The following ARHGAP23 variants were observed in gnomAD, a reference collection of about 807,000 sequenced individuals.
The protein encoded by ARHGAP23 is Rho GTPase activating protein 23.
ARHGAP23 carries 34 observed loss-of-function variants against 136.3 expected under a neutral mutation model. The observed-to-expected ratio is 0.25, with a 90% CI of 0.19 to 0.33. The LOEUF is 0.33. ARHGAP23 is among the 10% of genes least tolerant of loss of function. The pLI, the probability that ARHGAP23 is intolerant of heterozygous loss-of-function variation, is 1.00. For missense variants in ARHGAP23, 1,808 were observed against 2,139.0 expected (o/e 0.85, Z 3.05); for synonymous variants, 832 against 920.5 (o/e 0.90, Z 1.74).
At chr17:38,441,377 C>T (rs1038430515) in intron 1 of ARHGAP23, among the ~76,000 whole-genome samples, 2 of 152,182 alleles carry the variant, frequency 1.3e-5, no homozygotes, top group South Asian at 4.1e-4. Context: ...CCAAGGCAGC[C>T]ACCCCTCTGT....
chr17:38,479,860 A>G lies in ARHGAP23; in HGVS notation c.2606A>G (p.Gln869Arg). ...KQSAARGLRT[Q>R]DLPAGSKDDS... ...AGTGCGGCACGTGGCCTCAGGACTC[A>G]GGACCTGCCCGCAGGGAGCAAGGGT... The change falls in exon 14 of 24, where the codon CAG becomes CGG. Residue 869 changes from glutamine (Q) to arginine (R), a missense_variant. Physicochemically the swap from Gln to Arg is conservative, Grantham distance 43. Coordinates refer to ENST00000622683, the MANE Select transcript of ARHGAP23 (RefSeq NM_001199417.2). 1 of 1,482,866 alleles carries G rather than the reference A, an allele frequency of 6.7e-7. No individual in the cohort carries two copies. Among genetic ancestry groups the G allele is most frequent in the Non-Finnish European group, 9.0e-7 (1 of 1,105,282 alleles). The allele number at this position is 1,482,866 out of a possible 1,614,324, so 91.9% of individuals were successfully genotyped here. A position where few individuals can be genotyped will look rare whatever the true frequency, so the allele number is the denominator to read the frequency against.
At position 38,478,105 on chromosome 17, in the gene ARHGAP23, G is replaced by A. The variant is rs563904837; in HGVS notation, c.2436+209G>A. ...CGGGGGACCTGGCGTCCTCAGGTGCGGGGACCGGCAGTCACCATCCTGACC... is the reference window on the plus strand; with the variant it reads ...CGGGGGACCTGGCGTCCTCAGGTGCAGGGACCGGCAGTCACCATCCTGACC... On this transcript the variant is annotated intron_variant, in intron 12 of 23. Coordinates refer to ENST00000622683, the MANE Select transcript of ARHGAP23 (RefSeq NM_001199417.2). Among the ~76,000 whole-genome samples the A allele has an allele frequency of 3.3e-5, 5 of 152,300 alleles. No homozygotes were observed. In the East Asian group the frequency reaches 9.7e-4, roughly 29 times the overall value.
chr17:38,489,055 T>C lies in ARHGAP23; in HGVS notation c.2987-1047T>C, dbSNP rs11868438. On this transcript the variant is annotated intron_variant, in intron 17 of 23. Coordinates refer to ENST00000622683, the MANE Select transcript of ARHGAP23 (RefSeq NM_001199417.2). ...CATGCCCAGTTAATTTTTATATTTT[T>C]AGTAAAGATGAGGTTTTGCCACATT... 9.1e-3 allele frequency among the ~76,000 whole-genome samples: 1,385 copies of C among 151,970 alleles called. 20 individuals carry two copies. Among genetic ancestry groups the C allele is most frequent in the African/African-American group, 0.032 (1,340 of 41,442 alleles).
intron 1 of ARHGAP23, among the ~76,000 whole-genome samples, chr17:38,448,335 G>T (rs1049139777): frequency 6.6e-6 from 1 of 152,174 alleles, no homozygotes; most frequent in Non-Finnish European, 1.5e-5. Context: ...CTGAATGTCA[G>T]TGTGACTGTG....
chr17:38,469,609 C>G lies in ARHGAP23; in HGVS notation c.1890C>G (p.Thr630=). 6.5e-7 allele frequency: 1 copy of G among 1,548,824 alleles called. No individual in the cohort carries two copies. Among genetic ancestry groups the G allele is most frequent in the Non-Finnish European group, 8.7e-7 (1 of 1,146,728 alleles). ...AGTCCTGCGATGATGGACTCAACAC[C>G]TTCCGCGACGAGGGCCGGGTTCTGC... ...RSKSCDDGLN[T]FRDEGRVLRR... is the part of the protein sequence containing the mutation. Residue 630 remains threonine, a synonymous_variant, in exon 9 of 24, where the codon ACC becomes ACG. Transcript: ENST00000622683.
rs2039620397 is a variant in ARHGAP23 at position 38,466,976 on chromosome 17, C to T, written c.1293C>T (p.Gly431=). ...SYSPSFQRRT[G]LLHALSFRDS... is the part of the protein sequence containing the mutation. ...GCCCATCATTCCAGCGCCGGACCGG[C>T]CTCCTCCATGCGCTCTCCTTCCGGG... Residue 431 remains glycine (G), a synonymous_variant, in exon 7 of 24, where the codon GGC becomes GGT. Transcript: ENST00000622683. The T allele has an allele frequency of 1.3e-6, 2 of 1,550,584 alleles. No individual in the cohort carries two copies. The highest frequency in any genetic ancestry group is 1.7e-6 in the Non-Finnish European group (2 of 1,146,962).
intron 12 of ARHGAP23, among the ~76,000 whole-genome samples, chr17:38,478,103 G>A (rs147537161): frequency 5.4e-4 from 82 of 152,318 alleles, no homozygotes; most frequent in African/African-American, 1.5e-3. Flanking sequence ...GTCCTCAGGT[G>A]CGGGGACCGG....
Position 38,510,668 on chromosome 17 carries a change from C to G in ARHGAP23, c.4172C>G (p.Pro1391Arg), listed in dbSNP as rs1276012126. Residue 1391 changes from proline (P) to arginine (R), a missense_variant, in exon 24 of 24, where the codon CCG becomes CGG. This residue lies in a region of ARHGAP23 where 506 missense variants were observed against 455.8 expected (regional missense o/e 1.11). Transcript: ENST00000622683. The surrounding 1 kb of genome is among the most constrained non-coding windows in gnomAD (Gnocchi z 4.6). Reference sequence around the variant, plus strand: ...ATGCTCGCCGTGCGCCTGCGGCGGCCGCTGTCGCCCGAGACCCGGCGGCGC... The same window carrying G: ...ATGCTCGCCGTGCGCCTGCGGCGGCGGCTGTCGCCCGAGACCCGGCGGCGC... ...DDMLAVRLRR[P>R]LSPETRRRRS... 7.2e-7 allele frequency: 1 copy of G among 1,391,936 alleles called. No homozygotes were observed. Among genetic ancestry groups the G allele is most frequent in the Non-Finnish European group, 9.2e-7 (1 of 1,081,560 alleles). 86.2% of individuals were successfully genotyped at this position (1,391,936 alleles called of 1,614,324 possible). A position where few individuals can be genotyped will look rare whatever the true frequency, so the allele number is the denominator to read the frequency against.
At chr17:38,502,199 A>C (rs58022188) in intron 23 of ARHGAP23, among the ~76,000 whole-genome samples, 36,746 of 152,106 alleles carry the variant, frequency 0.24, 4,682 homozygotes, top group East Asian at 0.44. Flanking sequence ...CCAGCTACTC[A>C]GGAGGCTGAG....
chr17:38,486,183 CG>C (rs948651949), intron 17 of ARHGAP23, 43 bp downstream of exon 17: 47 of 1,490,998 alleles, frequency 3.2e-5, no homozygotes, highest in Non-Finnish European at 3.9e-5. Context: ...GACACCAGTC[CG>C]TGCCTCACCC....
chr17:38,427,331 G>A (rs1022285330), upstream of ARHGAP23, among the ~76,000 whole-genome samples: 1 of 152,180 alleles, frequency 6.6e-6, no homozygotes, highest in Admixed American at 6.5e-5. Flanking sequence ...GGGCGGTGTG[G>A]CATGGGCCTG....
rs141908392 is a variant in ARHGAP23, at chr17:38,441,128, G to A, written c.63+12580G>A. On this transcript the variant is annotated intron_variant, in intron 1 of 23. Transcript: ENST00000622683. Reference sequence around the variant, plus strand: ...CGGCCTATGCTCCCAGCCCCACAGGGATCCACCAATCAGACCTGCCTGCTG... The same window carrying A: ...CGGCCTATGCTCCCAGCCCCACAGGAATCCACCAATCAGACCTGCCTGCTG... Among the ~76,000 whole-genome samples the A allele has an allele frequency of 7.3e-4, 111 of 152,334 alleles. No individual in the cohort carries two copies. In the East Asian group the frequency reaches 0.021, roughly 28 times the overall value.
At chr17:38,443,889 A>G (rs1355803474) in intron 1 of ARHGAP23, among the ~76,000 whole-genome samples, 1 of 152,074 alleles carries the variant, frequency 6.6e-6, no homozygotes, top group East Asian at 1.9e-4. Context: ...AGACAACAGG[A>G]AGCACTCCTG....
rs2040754049 is a variant in ARHGAP23, at chr17:38,511,003, C to T, written c.*31C>T. 1.4e-6 allele frequency: 2 copies of T among 1,400,122 alleles called. No homozygotes were observed. The highest frequency in any genetic ancestry group is 3.7e-5 in the Admixed American group (1 of 26,992). 86.7% of individuals were successfully genotyped at this position (1,400,122 alleles called of 1,614,324 possible). A position where few individuals can be genotyped will look rare whatever the true frequency, so the allele number is the denominator to read the frequency against. On this transcript the variant is annotated 3_prime_UTR_variant, in exon 24 of 24. Coordinates refer to ENST00000622683, the MANE Select transcript of ARHGAP23 (RefSeq NM_001199417.2). ...ACCTCCCGCGCCGCTCGGGCGCCACCCCTCCCTAGAGCCCCTTTGGAACCA... is the reference window on the plus strand; with the variant it reads ...ACCTCCCGCGCCGCTCGGGCGCCACTCCTCCCTAGAGCCCCTTTGGAACCA...
intron 23 of ARHGAP23, among the ~76,000 whole-genome samples, chr17:38,502,499 G>A (rs1328438061): frequency 6.6e-6 from 1 of 152,196 alleles, no homozygotes; most frequent in East Asian, 1.9e-4. Context: ...TAAATAATGA[G>A]CCAAACAGAT....
At chr17:38,452,239 T>G (rs1337392767) in intron 1 of ARHGAP23, 1 of 152,052 alleles carries the variant, frequency 6.6e-6, no homozygotes, top group Non-Finnish European at 1.5e-5. Context: ...GTCTGCTGCC[T>G]TCCCCTCCCT....
chr17:38,444,448 G>C (rs550215867), intron 1 of ARHGAP23, among the ~76,000 whole-genome samples: 33 of 152,134 alleles, frequency 2.2e-4, no homozygotes, highest in Non-Finnish European at 4.6e-4. Context: ...CGTTGGAATG[G>C]GCATGTGTGT....
Position 38,510,393 on chromosome 17 carries a change from G to A in ARHGAP23, c.3897G>A (p.Gly1299=), listed in dbSNP as rs2040731154. The A allele has an allele frequency of 2.4e-6, 3 of 1,242,010 alleles. No individual in the cohort carries two copies. Among genetic ancestry groups the A allele is most frequent in the South Asian group, 3.7e-5 (1 of 27,008 alleles). The allele number at this position is 1,242,010 out of a possible 1,614,324, so 76.9% of individuals were successfully genotyped here. A position where few individuals can be genotyped will look rare whatever the true frequency, so the allele number is the denominator to read the frequency against. The change falls in exon 24 of 24, where the codon GGG becomes GGA. Residue 1299 remains glycine (G), a synonymous_variant. Coordinates refer to ENST00000622683, the MANE Select transcript of ARHGAP23 (RefSeq NM_001199417.2). The surrounding 1 kb of genome is among the most constrained non-coding windows in gnomAD (Gnocchi z 4.6). ...TEGAAGAGPG[G]RLTRRPSFSS... is the part of the protein sequence containing the mutation. ...GCGCGGCGGGCGCGGGGCCTGGGGG[G>A]CGCCTGACACGCCGGCCGTCCTTCA...
At chr17:38,461,937 A>G (rs2039469259) in intron 3 of ARHGAP23, among the ~76,000 whole-genome samples, 1 of 152,050 alleles carries the variant, frequency 6.6e-6, no homozygotes, top group Admixed American at 6.6e-5. Context: ...TGGAAGGACA[A>G]GGGCTGTGCT....
Sources: gnomAD v4.1 joint callset for allele counts (sites outside exome capture counted in the v4.1 genomes callset) on GRCh38, gnomAD v4.1.1 for gene constraint, gnomAD v4.1.1 regional missense constraint, Gnocchi (gnomAD v3.1) non-coding constraint, MANE v1.5 for transcripts, NCBI Gene and HGNC (gene_info 2026-07-23, HGNC 2026-07-21) for gene names.